The following CCDC57 variants were observed in gnomAD, a reference collection of about 807,000 sequenced individuals.
The protein encoded by CCDC57 is coiled-coil domain-containing protein 57.
In CCDC57, 118 loss-of-function variants were observed where a neutral mutation model predicts 118.9. The ratio of observed to expected loss-of-function variants is 0.99; its 90% CI spans 0.86 to 1.16. The LOEUF is 1.16. Ranked by LOEUF, CCDC57 falls within the 50% of genes most tolerant of loss-of-function variation. CCDC57 has a pLI of 0.00. For synonymous variants in CCDC57, 527 were observed against 532.9 expected (o/e 0.99, Z 0.15); for missense variants, 1,300 against 1,320.7 (o/e 0.98, Z 0.24).
rs1491418041 is a variant in CCDC57 at position 82,142,313 on chromosome 17, TTG to T, written c.2456-8121_2456-8120del. Among the ~76,000 whole-genome samples the T allele has an allele frequency of 2.0e-5, 3 of 151,546 alleles. 1 individual carries two copies. The highest frequency in any genetic ancestry group is 2.9e-5 in the Non-Finnish European group (2 of 67,876). ...AAGTAACACAGCACTGAAGTTGTGTTTGTTTTTTTTTTTTCTTGAGACGGAGT... is the reference window on the plus strand; with the variant it reads ...AAGTAACACAGCACTGAAGTTGTGTTTTTTTTTTTTTTCTTGAGACGGAGT... On this transcript the variant is annotated intron_variant, in intron 16 of 19. Coordinates refer to ENST00000665763, the Ensembl canonical transcript of CCDC57.
At chr17:82,174,544 T>C (rs1212806161) in intron 11 of CCDC57, among the ~76,000 whole-genome samples, 1 of 151,952 alleles carries the variant, frequency 6.6e-6, no homozygotes, top group Non-Finnish European at 1.5e-5. Context: ...CCGCAAGGAG[T>C]TGACCTGTGT....
At position 82,118,710 on chromosome 17, in the gene CCDC57, G is replaced by C. The variant is rs911433248; in HGVS notation, c.2899+8982C>G. Among the ~76,000 whole-genome samples the C allele has an allele frequency of 6.6e-6, 1 of 152,112 alleles. No individual in the cohort carries two copies. The highest frequency in any genetic ancestry group is 2.4e-5 in the African/African-American group (1 of 41,422). On this transcript the variant is annotated intron_variant, in intron 19 of 19. Transcript: ENST00000665763. This position sits in a 1 kb window ranked among gnomAD's most constrained non-coding sequence, Gnocchi z 4.7. ...ACTGCCTTAGGGAGAGCTTCCGTCC[G>C]CACTGGGTGCCACTCAGTCTGCCGC...
intron 4 of CCDC57, among the ~76,000 whole-genome samples, chr17:82,197,612 G>T (rs2048477888): frequency 6.6e-6 from 1 of 152,278 alleles, no homozygotes; most frequent in Non-Finnish European, 1.5e-5. Flanking sequence ...TCTGAGGTGT[G>T]CTGGTTAATT....
At chr17:82,148,870 G>T in intron 16 of CCDC57, among the ~76,000 whole-genome samples, 1 of 98,462 alleles carries the variant, frequency 1.0e-5, no homozygotes, top group Non-Finnish European at 2.0e-5. Context: ...TGGATGGGTG[G>T]GTGGGATAAG....
At chr17:82,190,482 G>A (rs1288169235) in intron 7 of CCDC57, among the ~76,000 whole-genome samples, 1 of 152,102 alleles carries the variant, frequency 6.6e-6, no homozygotes, top group African/African-American at 2.4e-5. Flanking sequence ...GACCACTTGA[G>A]GACAAGAGTT....
Position 82,212,596 on chromosome 17 carries a change from C to T in CCDC57, c.-211+189G>A, listed in dbSNP as rs551682633. Among the ~76,000 whole-genome samples the T allele has an allele frequency of 3.9e-5, 6 of 152,068 alleles. No homozygotes were observed. In the East Asian group the frequency reaches 1.2e-3, roughly 30 times the overall value. On this transcript the variant is annotated intron_variant, in intron 1 of 19. Transcript: ENST00000665763. This position sits in a 1 kb window ranked among gnomAD's most constrained non-coding sequence, Gnocchi z 4.1. The stretch of plus-strand genomic sequence containing the variant: ...GGCCGCAACCCCCGCCCCGCCCCGC[C>T]GCAGCCTCCGCGAGGGGATCCCCGG...
chr17:82,207,079 G>A (rs1599500304), intron 2 of CCDC57, among the ~76,000 whole-genome samples: 2 of 152,254 alleles, frequency 1.3e-5, no homozygotes, highest in South Asian at 2.1e-4. Context: ...TGCAGTGACT[G>A]GCCCCGGTTG....
rs1179021744 is a variant in CCDC57, at chr17:82,172,680, T to C, written c.1687A>G (p.Asn563Asp). ...CCCCCAGCCTCTGGGTCAGGCTGGT[T>C]TGCATCTGTGCTCTCTGCCGCTGTC... Residue 563 changes from asparagine to aspartate, a missense_variant, in exon 12 of 20, where the codon AAC (asparagine) becomes GAC (aspartate). Physicochemically the swap from Asn to Asp is conservative, Grantham distance 23 (BLOSUM62 1). Coordinates refer to ENST00000665763, the Ensembl canonical transcript of CCDC57. This position sits in a 1 kb window ranked among gnomAD's most constrained non-coding sequence, Gnocchi z 5.2. 2 of 1,556,622 alleles carry C rather than the reference T, an allele frequency of 1.3e-6. No homozygotes were observed. Among genetic ancestry groups the C allele is most frequent in the African/African-American group, 2.7e-5 (2 of 73,498 alleles).
chr17:82,145,785 G>C (rs763394818), intron 16 of CCDC57: 1 of 465,710 alleles, frequency 2.1e-6, no homozygotes, highest in Non-Finnish European at 4.5e-6. Flanking sequence ...CCCCGCCCTG[G>C]TCTCGGCCGG....
chr17:82,203,704 T>C (rs1013940693), intron 2 of CCDC57, among the ~76,000 whole-genome samples: 3 of 152,134 alleles, frequency 2.0e-5, no homozygotes, highest in Non-Finnish European at 4.4e-5. Flanking sequence ...TGAGCTCGAT[T>C]TGGACACAGA....
intron 14 of CCDC57, among the ~76,000 whole-genome samples, chr17:82,161,422 A>T (rs1012304627): frequency 6.6e-6 from 1 of 152,154 alleles, no homozygotes; most frequent in Non-Finnish European, 1.5e-5. Context: ...GGAGAACTGA[A>T]CTCTGCATAA....
exon 15 of CCDC57, chr17:82,157,932 A>C (rs1052009708): frequency 2.3e-5 from 36 of 1,556,250 alleles, no homozygotes; most frequent in Non-Finnish European, 3.0e-5. Flanking sequence ...GGCCGGCTCC[A>C]GGGGTTCCCG....
At chr17:82,163,263 T>G in exon 14 of CCDC57, 1 of 1,614,050 alleles carries the variant, frequency 6.2e-7, no homozygotes, top group Non-Finnish European at 8.5e-7. Flanking sequence ...GCTTCCTGAG[T>G]GCCAGTCCAG....
intron 16 of CCDC57, among the ~76,000 whole-genome samples, chr17:82,145,026 C>CTTTTTTTTTTTTTTT (rs63184860): frequency 8.3e-6 from 1 of 120,262 alleles, no homozygotes; most frequent in African/African-American, 3.1e-5. Context: ...TTTTTTTTTT[C>CTTTTTTTTTTTTTTT]TTTTTTTTTT....
intron 2 of CCDC57, among the ~76,000 whole-genome samples, chr17:82,205,569 C>G (rs910074377): frequency 6.6e-6 from 1 of 152,198 alleles, no homozygotes; most frequent in Non-Finnish European, 1.5e-5. Flanking sequence ...ACGTGCTACT[C>G]CAGGTCCCCA....
At chr17:82,125,037 A>T (rs745366785) in intron 19 of CCDC57, among the ~76,000 whole-genome samples, 1 of 152,186 alleles carries the variant, frequency 6.6e-6, no homozygotes, top group Non-Finnish European at 1.5e-5. Flanking sequence ...GGTCAGGAAG[A>T]CGGAGTGGGA....
chr17:82,134,105 A>G (rs2048015514), exon 17 of CCDC57: 3 of 1,423,316 alleles, frequency 2.1e-6, no homozygotes, highest in South Asian at 3.1e-5. Flanking sequence ...ACCTGTCCCA[A>G]AGGTGGGCTG....
At chr17:82,204,332 C>T (rs1374613732) in intron 2 of CCDC57, among the ~76,000 whole-genome samples, 2 of 152,118 alleles carry the variant, frequency 1.3e-5, no homozygotes, top group Non-Finnish European at 1.5e-5. Flanking sequence ...GCTCCTACAA[C>T]GGCCCCACCG....
rs1386753502 is a variant in CCDC57, at chr17:82,172,462, C to T, written c.1729+176G>A. Among the ~76,000 whole-genome samples, 1 of 152,216 alleles carries T rather than the reference C, an allele frequency of 6.6e-6. No individual in the cohort carries two copies. The highest frequency in any genetic ancestry group is 1.5e-5 in the Non-Finnish European group (1 of 68,036). On this transcript the variant is annotated intron_variant, in intron 12 of 19. Coordinates refer to ENST00000665763, the Ensembl canonical transcript of CCDC57. The surrounding 1 kb of genome is among the most constrained non-coding windows in gnomAD (Gnocchi z 5.2). ...GCTTTTTGGTATAAAACTTAAGATC[C>T]CTTCTCTTGGAGAAAAAGCAGTTTT...
Sources: allele counts gnomAD v4.1 joint callset (sites outside exome capture counted in the v4.1 genomes callset), GRCh38; gene constraint gnomAD v4.1.1; non-coding constraint Gnocchi (gnomAD v3.1); transcripts MANE v1.5; gene names NCBI Gene and HGNC (gene_info 2026-07-23, HGNC 2026-07-21).